FREM1: variants seen among roughly 807,000 people sequenced by gnomAD.
FREM1 encodes the protein FRAS1 related extracellular matrix 1.
Under a neutral mutation model 210.1 loss-of-function variants are expected in FREM1, and 220 were observed. The ratio of observed to expected loss-of-function variants is 1.05; its 90% CI spans 0.94 to 1.17. FREM1 has a LOEUF of 1.17. Among genes scored for constraint, FREM1 ranks in the 50% most tolerant of loss-of-function variants. The probability of loss-of-function intolerance (pLI) is 0.00; values close to 1 mark genes in which losing one functional copy is unlikely to be tolerated. For synonymous variants in FREM1, 1,189 were observed against 980.2 expected (o/e 1.21, Z -3.98); for missense variants, 3,454 against 2,675.5 (o/e 1.29, Z -6.42).
intron 5 of FREM1, among the ~76,000 whole-genome samples, chr9:14,854,350 T>C (rs543451307): frequency 7.2e-5 from 11 of 152,106 alleles, no homozygotes; most frequent in Non-Finnish European, 1.5e-4. Flanking sequence ...ACAAATAGTC[T>C]GAAATTCAAC....
rs552377277 is a variant in FREM1 at position 14,863,797 on chromosome 9, C to T, written c.329+12G>A. 4.1e-5 allele frequency: 64 copies of T among 1,559,834 alleles called. No individual in the cohort carries two copies. The highest frequency in any genetic ancestry group is 2.5e-4 in the Admixed American group (15 of 59,822). ...CTTGGCAGCAAATGAGCGATGTTCC[C>T]GTGCCGCTTACCTGTAAAGTCTGAG... is the stretch of plus-strand genomic sequence containing the variant. On this transcript the variant is annotated intron_variant, in intron 3 of 36. Transcript: ENST00000380880.
chr9:14,876,480 G>A (rs1309491556), intron 1 of FREM1, among the ~76,000 whole-genome samples: 1 of 152,226 alleles, frequency 6.6e-6, no homozygotes, highest in African/African-American at 2.4e-5. Flanking sequence ...GACCCTCTGA[G>A]CCAGGTGCAG....
At position 14,770,808 on chromosome 9, in the gene FREM1, T is replaced by G; in HGVS notation, c.4858-2A>C. 1 of 1,607,762 alleles carries G rather than the reference T, an allele frequency of 6.2e-7. No individual in the cohort carries two copies. Among genetic ancestry groups the G allele is most frequent in the South Asian group, 1.1e-5 (1 of 90,298 alleles). On this transcript the variant is annotated splice_acceptor_variant, in intron 25 of 36. Transcript: ENST00000380880. LOFTEE classifies it high-confidence loss of function. ...AGCTGTTTTGTCCAATTGGTCTACCTGGATCATCAACAATGACATAAAATG... is the reference window on the plus strand; with the variant it reads ...AGCTGTTTTGTCCAATTGGTCTACCGGGATCATCAACAATGACATAAAATG...
intron 5 of FREM1, among the ~76,000 whole-genome samples, chr9:14,854,111 T>G (rs112111522): frequency 1.5e-3 from 228 of 152,328 alleles, no homozygotes; most frequent in African/African-American, 5.2e-3. Context: ...CACTTCATTT[T>G]TTCACCGTAC....
intron 1 of FREM1, among the ~76,000 whole-genome samples, chr9:14,901,245 G>A (rs2132607525): frequency 6.6e-6 from 1 of 152,196 alleles, no homozygotes; most frequent in East Asian, 1.9e-4. Flanking sequence ...GGAGATTTGG[G>A]GCTATCTGCT....
intron 24 of FREM1, 189 bp downstream of exon 24, chr9:14,784,181 A>AT (rs1312646209): frequency 5.8e-6 from 3 of 518,164 alleles, no homozygotes; most frequent in Non-Finnish European, 9.7e-6. Flanking sequence ...AAAATGACTC[A>AT]TTTTTTTCTC....
chr9:14,825,424 G>A (rs1000472912), intron 10 of FREM1, among the ~76,000 whole-genome samples: 2 of 148,272 alleles, frequency 1.3e-5, no homozygotes, highest in African/African-American at 5.0e-5. Flanking sequence ...GGAGGAGGAG[G>A]TTGCAGTGGG....
At position 14,842,261 on chromosome 9, in the gene FREM1, G is replaced by GAA. The variant is rs1564053806; in HGVS notation, c.1738+54_1738+55insTT. The GAA allele has an allele frequency of 2.4e-4, 266 of 1,116,076 alleles. 4 individuals carry two copies. In the African/African-American group the frequency reaches 3.6e-3, roughly 15 times the overall value. The allele number at this position is 1,116,076 out of a possible 1,614,324, so 69.1% of individuals were successfully genotyped here. A position where few individuals can be genotyped will look rare whatever the true frequency, so the allele number is the denominator to read the frequency against. On this transcript the variant is annotated intron_variant, in intron 9 of 36. Transcript: ENST00000380880. ...GCAAACCCAGAAGGATGCATAGAAG[G>GAA]TTCTCTATGGAAGAGTGAATTCCAT...
intron 5 of FREM1, among the ~76,000 whole-genome samples, chr9:14,853,033 C>T (rs530950954): frequency 3.3e-4 from 51 of 152,322 alleles, no homozygotes. Flanking sequence ...GAGAGGAGTG[C>T]TTTGCTGCGT....
In FREM1 at chr9:14,792,774, CT is replaced by C; in HGVS notation, c.3949del (p.Arg1317GlyfsTer12). 1 of 1,601,610 alleles carries C rather than the reference CT, an allele frequency of 6.2e-7. No homozygotes were observed. On this transcript the variant is annotated frameshift_variant, in exon 22 of 37. Coordinates refer to ENST00000380880, the MANE Select transcript of FREM1 (RefSeq NM_001379081.2). LOFTEE classifies it high-confidence loss of function. The stretch of plus-strand genomic sequence containing the variant: ...CTGAAGTTGCCCATTTTGGGGAAGC[CT>C]TTCAAATACATAGTAAATCTTCTCC... ...PREKIYYVFERLPQNGQLQLK... is the reference protein window; with the variant it reads ...PREKIYYVFEXLPQNGQLQLK...
At chr9:14,832,928 G>A (rs1823845007) in intron 10 of FREM1, among the ~76,000 whole-genome samples, 1 of 152,200 alleles carries the variant, frequency 6.6e-6, no homozygotes, top group Non-Finnish European at 1.5e-5. Context: ...TTAGGATGCA[G>A]GCCCAGGACC....
intron 21 of FREM1, among the ~76,000 whole-genome samples, chr9:14,793,220 ACAG>A (rs1851733184): frequency 6.6e-6 from 1 of 152,190 alleles, no homozygotes; most frequent in African/African-American, 2.4e-5. Context: ...ACTCACAACA[ACAG>A]CTCCATGAAG....
intron 1 of FREM1, among the ~76,000 whole-genome samples, chr9:14,888,073 C>T (rs1001170321): frequency 6.6e-6 from 1 of 152,216 alleles, no homozygotes; most frequent in Non-Finnish European, 1.5e-5. Context: ...GCTGGGATTA[C>T]AGGTGTGAGC....
At chr9:14,790,066 C>T (rs568008986) in intron 22 of FREM1, among the ~76,000 whole-genome samples, 1 of 152,046 alleles carries the variant, frequency 6.6e-6, no homozygotes, top group South Asian at 2.1e-4. Context: ...CTTTTTATTC[C>T]CCTTGATACT....
intron 10 of FREM1, among the ~76,000 whole-genome samples, chr9:14,833,774 G>T (rs1157722120): frequency 6.6e-6 from 1 of 152,090 alleles, no homozygotes; most frequent in African/African-American, 2.4e-5. Context: ...TTTGGATGTT[G>T]TTTTTCTGGA....
chr9:14,881,847 G>A (rs556963980), intron 1 of FREM1, among the ~76,000 whole-genome samples: 2 of 152,316 alleles, frequency 1.3e-5, no homozygotes, highest in South Asian at 4.2e-4. Flanking sequence ...TGGTGTCTCT[G>A]AGAAACCTCC....
intron 24 of FREM1, among the ~76,000 whole-genome samples, chr9:14,778,593 C>G (rs1430520279): frequency 2.1e-5 from 2 of 96,858 alleles, no homozygotes; most frequent in Admixed American, 1.3e-4. Context: ...GGGCAACAGA[C>G]AGAGAACCTG....
intron 1 of FREM1, among the ~76,000 whole-genome samples, chr9:14,897,769 T>A (rs1008185785): frequency 7.9e-5 from 12 of 152,028 alleles, no homozygotes; most frequent in African/African-American, 2.7e-4. Context: ...TTAAAAAAAT[T>A]TTTTTGTAGA....
At chr9:14,896,962 G>A (rs1270772665) in intron 1 of FREM1, among the ~76,000 whole-genome samples, 1 of 152,190 alleles carries the variant, frequency 6.6e-6, no homozygotes, top group African/African-American at 2.4e-5. Flanking sequence ...ACTCACAGAT[G>A]TCTGCAGCAG....
Sources: gnomAD v4.1 joint callset for allele counts (sites outside exome capture counted in the v4.1 genomes callset) on GRCh38, gnomAD v4.1.1 for gene constraint, MANE v1.5 for transcripts, NCBI Gene and HGNC (gene_info 2026-07-23, HGNC 2026-07-21) for gene names.